Variants in ARL17A observed in about 807,000 individuals in gnomAD.
ARL17A encodes ARF like GTPase 17A.
In ARL17A at chr17:46,529,536, G is replaced by A. The variant is rs191544211; in HGVS notation, c.336-677C>T. On this transcript the variant is annotated intron_variant, in intron 4 of 4. Coordinates refer to the ARL17A transcript ENST00000329240. Reference sequence around the variant, plus strand: ...TCTAAAAACACTCAAGGCTGGGCGCGCTGGCTCATGCCTGTAATCCCAGCA... The same window carrying A: ...TCTAAAAACACTCAAGGCTGGGCGCACTGGCTCATGCCTGTAATCCCAGCA... Among the ~76,000 whole-genome samples the A allele has an allele frequency of 2.2e-3, 216 of 99,336 alleles. 55 individuals carry two copies. The Middle Eastern group carries it at 0.047, about 21-fold the overall frequency. The allele number at this position is 99,336 out of a possible 152,430, so 65.2% of individuals were successfully genotyped here. A position where few individuals can be genotyped will look rare whatever the true frequency, so the allele number is the denominator to read the frequency against.
chr17:46,525,807 CA>C (rs1194533486), downstream of ARL17A, among the ~76,000 whole-genome samples: 1 of 87,776 alleles, frequency 1.1e-5, no homozygotes, highest in Admixed American at 1.1e-4. Flanking sequence ...CTCAAAGACA[CA>C]CCAAGATGAG....
chr17:46,537,100 TTTTTTTG>T (rs1567961962), intron 4 of ARL17A, among the ~76,000 whole-genome samples: 3 of 61,140 alleles, frequency 4.9e-5, no homozygotes, highest in African/African-American at 2.3e-4. Context: ...TTTTTTTTTT[TTTTTTTG>T]CTATTTTTTT....
chr17:46,548,542 A>G, downstream of ARL17A: 1 of 1,459,838 alleles, frequency 6.9e-7, no homozygotes, highest in Middle Eastern at 2.5e-4. Flanking sequence ...CCTAGATGTG[A>G]AATCACTGTT....
the ARL17A span, among the ~76,000 whole-genome samples, chr17:46,502,802 AAC>A: frequency 2.6e-5 from 4 of 151,386 alleles, no homozygotes; most frequent in South Asian, 8.3e-4. Context: ...CCAAGGTGAC[AAC>A]TGTCTGTACC....
the ARL17A span, among the ~76,000 whole-genome samples, chr17:46,500,948 A>T: frequency 6.6e-6 from 1 of 151,156 alleles, no homozygotes; most frequent in African/African-American, 2.5e-5. Flanking sequence ...GGGAGGCTGA[A>T]GCGGGTGGAT....
chr17:46,545,794 CTT>C (rs1179643938), intron 3 of ARL17A, among the ~76,000 whole-genome samples: 1 of 148,352 alleles, frequency 6.7e-6, no homozygotes, highest in Non-Finnish European at 1.5e-5. Context: ...CCAATGCAGT[CTT>C]TGTTATTTTT....
downstream of ARL17A, among the ~76,000 whole-genome samples, chr17:46,551,187 T>C (rs1423971281): frequency 6.7e-6 from 1 of 149,130 alleles, no homozygotes; most frequent in African/African-American, 2.6e-5. Context: ...TTAGAGATGC[T>C]CAGCTTGCAT....
intron 3 of ARL17A, chr17:46,560,574 T>C (rs1598605944): frequency 1.7e-5 from 1 of 60,550 alleles, no homozygotes; most frequent in East Asian, 2.6e-4. Context: ...GGACAATTTT[T>C]TTTTTTTTTT....
chr17:46,547,158 T>G lies in ARL17A; in HGVS notation c.260-8732A>C, dbSNP rs1459823058. ...TCAGTGTTGCTTATTTTTCAAAACTTTTTTTTTTTTTTTTTTTTTTTACCA... is the reference window on the plus strand; with the variant it reads ...TCAGTGTTGCTTATTTTTCAAAACTGTTTTTTTTTTTTTTTTTTTTTACCA... On this transcript the variant is annotated intron_variant, in intron 3 of 4. Coordinates refer to the ARL17A transcript ENST00000329240. 4 of 64,996 alleles carry G rather than the reference T, an allele frequency of 6.2e-5. 1 individual carries two copies. Among genetic ancestry groups the G allele is most frequent in the Non-Finnish European group, 1.3e-4 (4 of 30,870 alleles). The allele number at this position is 64,996 out of a possible 1,614,324, so 4.0% of individuals were successfully genotyped here. A position where few individuals can be genotyped will look rare whatever the true frequency, so the allele number is the denominator to read the frequency against.
intron 3 of ARL17A, among the ~76,000 whole-genome samples, chr17:46,541,271 A>G (rs893219182): frequency 4.0e-5 from 6 of 150,206 alleles, no homozygotes; most frequent in Non-Finnish European, 2.9e-5. Flanking sequence ...TTTGTTTTTG[A>G]AATGGAATCT....
At position 46,539,460 on chromosome 17, in the gene ARL17A, TTA is replaced by T. The variant is rs1463102056; in HGVS notation, c.260-1036_260-1035del. Among the ~76,000 whole-genome samples, 3 of 150,456 alleles carry T rather than the reference TTA, an allele frequency of 2.0e-5. No individual in the cohort carries two copies. In the East Asian group the frequency reaches 5.8e-4, roughly 29 times the overall value. ...AATTAAACCATAAATTTTAAAAACT[TTA>T]TAAAGATAAAAGACAAGCAGCCAGC... On this transcript the variant is annotated intron_variant, in intron 3 of 4. Transcript: ENST00000329240.
intron 3 of ARL17A, among the ~76,000 whole-genome samples, chr17:46,545,347 A>G (rs1285061757): frequency 7.1e-6 from 1 of 139,970 alleles, no homozygotes; most frequent in Admixed American, 7.0e-5. Flanking sequence ...GCTACTCAGG[A>G]GGCTGAATTT....
intron 4 of ARL17A, among the ~76,000 whole-genome samples, chr17:46,534,197 G>GTTTTTGT (rs372927296): frequency 0.13 from 19,391 of 148,346 alleles, 2 homozygotes; most frequent in Middle Eastern, 0.19. Flanking sequence ...TTTTGTTTTT[G>GTTTTTGT]TTTTTTTTAA....
At chr17:46,552,743 T>C (rs1445634453), downstream of ARL17A, 1 of 89,478 alleles carries the variant, frequency 1.1e-5, no homozygotes, top group Non-Finnish European at 2.6e-5. Flanking sequence ...GAAAGTACAA[T>C]ATAACAACTG....
At chr17:46,501,604 C>G in the ARL17A span, among the ~76,000 whole-genome samples, 1 of 151,256 alleles carries the variant, frequency 6.6e-6, no homozygotes, top group South Asian at 2.1e-4. Context: ...GAACTCCCTT[C>G]AGTTCTCAGA....
intron 2 of ARL17A, among the ~76,000 whole-genome samples, chr17:46,575,106 A>G (rs549492819): frequency 1.0e-5 from 1 of 100,244 alleles, no homozygotes; most frequent in African/African-American, 3.2e-5. Flanking sequence ...CAAAAAAAAA[A>G]AAAAAGAAAG....
chr17:46,541,687 T>C (rs1460500752), intron 3 of ARL17A, among the ~76,000 whole-genome samples: 1 of 150,532 alleles, frequency 6.6e-6, no homozygotes, highest in Admixed American at 6.6e-5. Flanking sequence ...TTGGAAAAAA[T>C]AAAATATATA....
intron 4 of ARL17A, among the ~76,000 whole-genome samples, chr17:46,533,868 A>G (rs1307277543): frequency 1.0e-5 from 1 of 99,552 alleles, no homozygotes; most frequent in Non-Finnish European, 1.8e-5. Flanking sequence ...TCTAGCAACA[A>G]AGTCTCTCAG....
downstream of ARL17A, among the ~76,000 whole-genome samples, chr17:46,516,322 G>A: frequency 1.1e-5 from 1 of 87,566 alleles, no homozygotes; most frequent in Non-Finnish European, 2.7e-5. Flanking sequence ...AATGATAGGA[G>A]GGAAGAAAGA....
Sources: allele counts gnomAD v4.1 joint callset (sites outside exome capture counted in the v4.1 genomes callset), GRCh38; gene constraint gnomAD v4.1.1; transcripts MANE v1.5; gene names NCBI Gene and HGNC (gene_info 2026-07-23, HGNC 2026-07-21).